RXRA: variants seen among roughly 807,000 people sequenced by gnomAD.
RXRA encodes retinoic acid receptor RXR-alpha.
Under a neutral mutation model 44.5 loss-of-function variants are expected in RXRA, and 5 were observed. That is an observed-to-expected ratio of 0.11 (90% confidence interval 0.06 to 0.24). The LOEUF is 0.24. RXRA is among the 10% of genes least tolerant of loss of function. RXRA has a pLI of 1.00. For missense variants in RXRA, 412 were observed against 646.5 expected, an observed-to-expected ratio of 0.64 and a Z score of 3.93; for synonymous variants, 291 against 271.4, an observed-to-expected ratio of 1.07 and a Z score of -0.71.
chr9:134,400,146 G>A (rs1374596658), intron 1 of RXRA, among the ~76,000 whole-genome samples: 1 of 152,218 alleles, frequency 6.6e-6, no homozygotes, highest in Admixed American at 6.5e-5. Context: ...GCATCCTAAA[G>A]CTCATGCCAT....
Position 134,437,400 on chromosome 9 carries a change from C to T in RXRA, c.*786C>T, listed in dbSNP as rs941564282. 6 of 152,662 alleles carry T rather than the reference C, an allele frequency of 3.9e-5. No individual in the cohort carries two copies. Among genetic ancestry groups the T allele is most frequent in the Non-Finnish European group, 7.3e-5 (5 of 68,238 alleles). 9.5% of individuals were successfully genotyped at this position (152,662 alleles called of 1,614,324 possible). ...CAGACTCCCGACTCCCCGTTCAGAC[C>T]AGAGTGCCCCGGCCCCTCCCCAGCC... On this transcript the variant is annotated 3_prime_UTR_variant, in exon 10 of 10. Transcript: ENST00000481739.
At chr9:134,391,217 C>T (rs554974189) in intron 1 of RXRA, among the ~76,000 whole-genome samples, 3 of 152,264 alleles carry the variant, frequency 2.0e-5, no homozygotes, top group South Asian at 4.1e-4. Context: ...ACTGAACCAT[C>T]GTGTTGGCCT....
At chr9:134,369,033 T>TTATGTGTGTGG (rs1830454533) in intron 1 of RXRA, among the ~76,000 whole-genome samples, 2 of 19,538 alleles carry the variant, frequency 1.0e-4, no homozygotes, top group Non-Finnish European at 1.5e-4. Context: ...TATGTGTGTG[T>TTATGTGTGTGG]GGGGGGTTAT....
At chr9:134,375,074 C>T (rs991804293) in intron 1 of RXRA, among the ~76,000 whole-genome samples, 1 of 152,106 alleles carries the variant, frequency 6.6e-6, no homozygotes, top group African/African-American at 2.4e-5. Context: ...GGAGATGAGA[C>T]CCCTACCCCA....
intron 1 of RXRA, among the ~76,000 whole-genome samples, chr9:134,395,634 T>C (rs1217347810): frequency 3.9e-5 from 6 of 152,178 alleles, no homozygotes; most frequent in African/African-American, 1.2e-4. Context: ...AGTGTCCATG[T>C]TCCCGCAGGT....
chr9:134,434,038 C>T lies in RXRA; in HGVS notation c.1136-64C>T, dbSNP rs1482773229. 3.1e-6 allele frequency: 4 copies of T among 1,283,458 alleles called. No individual in the cohort carries two copies. In the African/African-American group the frequency reaches 5.8e-5, roughly 19 times the overall value. The allele number at this position is 1,283,458 out of a possible 1,614,324, so 79.5% of individuals were successfully genotyped here. On this transcript the variant is annotated intron_variant, in intron 8 of 9. Coordinates refer to ENST00000481739, the MANE Select transcript of RXRA (RefSeq NM_002957.6). ...GGGAGACCCCACACAAGCCTGGGTC[C>T]TGGGGGCAGGTGCCCGAGACACGCC... is the stretch of plus-strand genomic sequence containing the variant.
chr9:134,351,779 G>A (rs1259823585), intron 1 of RXRA, among the ~76,000 whole-genome samples: 1 of 152,226 alleles, frequency 6.6e-6, no homozygotes, highest in African/African-American at 2.4e-5. Flanking sequence ...CCATCAGAAC[G>A]CGAGGTGAAT....
At chr9:134,382,631 C>T (rs1830663102) in intron 1 of RXRA, among the ~76,000 whole-genome samples, 1 of 151,926 alleles carries the variant, frequency 6.6e-6, no homozygotes, top group African/African-American at 2.4e-5. Context: ...GAGGGAGGGG[C>T]CTTTTGGGTT....
intron 1 of RXRA, among the ~76,000 whole-genome samples, chr9:134,355,838 G>A (rs144006102): frequency 2.3e-3 from 351 of 152,270 alleles, no homozygotes; most frequent in Non-Finnish European, 3.9e-3. Flanking sequence ...GGCTCACCCT[G>A]CCCTGGAGTC....
chr9:134,424,717 G>A (rs1831405065), intron 6 of RXRA: 1 of 985,360 alleles, frequency 1.0e-6, no homozygotes, highest in African/African-American at 1.7e-5. Context: ...TGGCCAGGTG[G>A]CTGGAGAGGA....
At chr9:134,354,427 C>T (rs1332746779) in intron 1 of RXRA, among the ~76,000 whole-genome samples, 4 of 152,200 alleles carry the variant, frequency 2.6e-5, no homozygotes, top group Non-Finnish European at 4.4e-5. Context: ...GGTGGTGGAA[C>T]GAATGAACTC....
intron 7 of RXRA, among the ~76,000 whole-genome samples, chr9:134,429,464 C>T (rs1831493930): frequency 6.6e-6 from 1 of 152,256 alleles, no homozygotes; most frequent in African/African-American, 2.4e-5. Context: ...GGCCTATCTC[C>T]CTCCATCTCT....
chr9:134,344,885 G>A (rs1192553495), intron 1 of RXRA, among the ~76,000 whole-genome samples: 2 of 152,230 alleles, frequency 1.3e-5, no homozygotes, highest in African/African-American at 4.8e-5. Context: ...GTGATGGGAC[G>A]CAGCCTCTGT....
chr9:134,386,190 C>T (rs1364363346), intron 1 of RXRA, among the ~76,000 whole-genome samples: 1 of 152,238 alleles, frequency 6.6e-6, no homozygotes, highest in Non-Finnish European at 1.5e-5. Flanking sequence ...TCAGGCACCT[C>T]CCTCAGGCCC....
chr9:134,396,795 C>T (rs1358265405), intron 1 of RXRA, among the ~76,000 whole-genome samples: 1 of 152,204 alleles, frequency 6.6e-6, no homozygotes, highest in African/African-American at 2.4e-5. Context: ...GTCCGGGTGT[C>T]CTCTGTTTTT....
At chr9:134,404,684 A>T (rs1831021077) in intron 2 of RXRA, 1 of 152,822 alleles carries the variant, frequency 6.5e-6, no homozygotes, top group Non-Finnish European at 1.5e-5. Context: ...GCAGGGCAGC[A>T]CAGGCGCCTA....
intron 1 of RXRA, among the ~76,000 whole-genome samples, chr9:134,388,200 C>T (rs533589103): frequency 8.5e-5 from 13 of 152,120 alleles, no homozygotes; most frequent in Admixed American, 1.3e-4. Flanking sequence ...TTAGACTGTG[C>T]ACTTCCGTCA....
chr9:134,328,210 G>A (rs1450714974), intron 1 of RXRA, among the ~76,000 whole-genome samples: 1 of 152,204 alleles, frequency 6.6e-6, no homozygotes, highest in Non-Finnish European at 1.5e-5. Flanking sequence ...GATTCCTCTG[G>A]AACAAGAATG....
rs1019183192 is a variant in RXRA, at chr9:134,430,207, C to T, written c.1043+967C>T. 9.8e-5 allele frequency among the ~76,000 whole-genome samples: 15 copies of T among 152,338 alleles called. No individual in the cohort carries two copies. In the East Asian group the frequency reaches 1.5e-3, roughly 16 times the overall value. ...GGCCTCTCTGCACAGTCTTTCTCCA[C>T]GAGTCTAGAGAGCCACACACACCAG... On this transcript the variant is annotated intron_variant, in intron 7 of 9. Coordinates refer to ENST00000481739, the MANE Select transcript of RXRA (RefSeq NM_002957.6).
Sources: gnomAD v4.1 joint callset for allele counts (sites outside exome capture counted in the v4.1 genomes callset) on GRCh38, gnomAD v4.1.1 for gene constraint, MANE v1.5 for transcripts, NCBI Gene and HGNC (gene_info 2026-07-23, HGNC 2026-07-21) for gene names.